The following DDAH1 variants were observed in gnomAD, a reference collection of about 807,000 sequenced individuals.
DDAH1 encodes the protein dimethylarginine dimethylaminohydrolase 1.
DDAH1 carries 19 observed loss-of-function variants against 28.8 expected under a neutral mutation model. That is an observed-to-expected ratio of 0.66 (90% CI 0.46 to 0.97). DDAH1 has a LOEUF of 0.97. Ranked by LOEUF, DDAH1 falls within the 50% of genes least tolerant of loss-of-function variation. The probability of loss-of-function intolerance (pLI) is 0.00; values close to 1 mark genes in which losing one functional copy is unlikely to be tolerated. For missense variants in DDAH1, 326 were observed against 375.9 expected, an observed-to-expected ratio of 0.87 and a Z score of 1.10; for synonymous variants, 153 against 154.4, an observed-to-expected ratio of 0.99 and a Z score of 0.07.
chr1:85,376,831 C>T (rs1016604452), intron 1 of DDAH1: 1 of 150,668 alleles, frequency 6.6e-6, no homozygotes, highest in African/African-American at 2.4e-5. Flanking sequence ...ACAAAGCCAC[C>T]GAGAGTAAGT....
At chr1:85,504,365 G>A (rs1037938690) in intron 1 of DDAH1, among the ~76,000 whole-genome samples, 3 of 152,136 alleles carry the variant, frequency 2.0e-5, no homozygotes, top group Non-Finnish European at 4.4e-5. Flanking sequence ...ATAACTTATT[G>A]AGTCAATAAA....
At chr1:85,355,937 A>G (rs1649467432) in intron 2 of DDAH1, among the ~76,000 whole-genome samples, 1 of 152,246 alleles carries the variant, frequency 6.6e-6, no homozygotes, top group South Asian at 2.1e-4. Context: ...CAAGACAAAC[A>G]AAACTAAAAC....
chr1:85,322,154 C>T (rs960566207), intron 5 of DDAH1, among the ~76,000 whole-genome samples: 3 of 152,116 alleles, frequency 2.0e-5, no homozygotes, highest in African/African-American at 7.2e-5. Context: ...GGTTCCTGGG[C>T]TCAAGTGATC....
upstream of DDAH1, among the ~76,000 whole-genome samples, chr1:85,466,829 A>ATTTTTTTTTTTTTTT (rs1158919618): frequency 8.6e-5 from 4 of 46,556 alleles, no homozygotes; most frequent in Non-Finnish European, 1.3e-4. Context: ...TTCATTATTT[A>ATTTTTTTTTTTTTTT]TTCTTTTTTT....
chr1:85,340,688 C>T (rs1044242404), intron 4 of DDAH1, among the ~76,000 whole-genome samples: 6 of 152,078 alleles, frequency 3.9e-5, no homozygotes, highest in Admixed American at 3.9e-4. Context: ...ATCCTTATCC[C>T]TGTTAAATCA....
chr1:85,356,601 T>C lies in DDAH1; in HGVS notation c.403+2147A>G, dbSNP rs2300636. Among the ~76,000 whole-genome samples the C allele has an allele frequency of 1.8e-3, 277 of 152,162 alleles. 7 individuals carry two copies. The East Asian group carries it at 0.033, about 18-fold the overall frequency. ...ATGAAGAAAAGTGACAAGTAGAAAA[T>C]AGAAGGCAGGAACACACATTAGGTG... On this transcript the variant is annotated intron_variant, in intron 2 of 5. Coordinates refer to ENST00000284031, the MANE Select transcript of DDAH1 (RefSeq NM_012137.4).
intron 1 of DDAH1, among the ~76,000 whole-genome samples, chr1:85,375,992 T>C (rs1050046385): frequency 6.6e-6 from 1 of 152,186 alleles, no homozygotes; most frequent in African/African-American, 2.4e-5. Flanking sequence ...CCTGTACTAA[T>C]GGTGGTGGAC....
chr1:85,338,260 C>T (rs1259059380), intron 4 of DDAH1, among the ~76,000 whole-genome samples: 1 of 152,044 alleles, frequency 6.6e-6, no homozygotes, highest in Non-Finnish European at 1.5e-5. Flanking sequence ...CAGAGAAAGG[C>T]ACTATATGGA....
At chr1:85,469,032 A>C (rs560140582), upstream of DDAH1, among the ~76,000 whole-genome samples, 35 of 152,356 alleles carry the variant, frequency 2.3e-4, no homozygotes, top group African/African-American at 8.4e-4. Flanking sequence ...AGAACAAGAA[A>C]GAACATACAG....
intron 1 of DDAH1, among the ~76,000 whole-genome samples, chr1:85,571,787 C>CTTTTTTTGTT (rs1659461187): frequency 1.2e-5 from 1 of 85,382 alleles, no homozygotes; most frequent in African/African-American, 4.8e-5. Context: ...TGTTTATAAG[C>CTTTTTTTGTT]TTTTTTTTTT....
intron 1 of DDAH1, among the ~76,000 whole-genome samples, chr1:85,442,259 A>G (rs1654232313): frequency 2.0e-5 from 3 of 152,118 alleles, no homozygotes; most frequent in Admixed American, 1.3e-4. Flanking sequence ...ATTCCCACCT[A>G]TGAGTGAGAA....
intron 1 of DDAH1, among the ~76,000 whole-genome samples, chr1:85,539,938 A>T (rs1658420736): frequency 6.6e-6 from 1 of 151,648 alleles, no homozygotes; most frequent in Admixed American, 6.6e-5. Flanking sequence ...AATTTTACTT[A>T]TTTCTCCAAA....
At chr1:85,451,552 T>C (rs1347485098) in intron 1 of DDAH1, among the ~76,000 whole-genome samples, 1 of 152,110 alleles carries the variant, frequency 6.6e-6, no homozygotes, top group Non-Finnish European at 1.5e-5. Context: ...ACAATTTGAA[T>C]TTATAGCTGT....
chr1:85,464,656 T>A lies in DDAH1; in HGVS notation c.303+87A>T, dbSNP rs1292409024. On this transcript the variant is annotated intron_variant, in intron 1 of 5. Transcript: ENST00000284031. The surrounding 1 kb of genome is among the most constrained non-coding windows in gnomAD (Gnocchi z 4.4). ...TGTGAACTACTAGCCCGAGGGCCAA[T>A]GGCGCGACTCCCCAGGCAACACGGC... 4 of 1,465,148 alleles carry A rather than the reference T, an allele frequency of 2.7e-6. No homozygotes were observed. In the African/African-American group the frequency reaches 4.3e-5, roughly 16 times the overall value. 90.8% of individuals were successfully genotyped at this position (1,465,148 alleles called of 1,614,324 possible). A position where few individuals can be genotyped will look rare whatever the true frequency, so the allele number is the denominator to read the frequency against.
Position 85,428,081 on chromosome 1 carries a change from C to A in DDAH1, c.303+36662G>T, listed in dbSNP as rs775332521. ...CAGCTAACTGCCATGAAGTGGTCTA[C>A]CTAAGTAAGAACCCAAGTAGTTTGT... On this transcript the variant is annotated intron_variant, in intron 1 of 5. Transcript: ENST00000284031. Among the ~76,000 whole-genome samples the A allele has an allele frequency of 5.5e-4, 83 of 152,182 alleles. 1 individual carries two copies. Among genetic ancestry groups the A allele is most frequent in the Non-Finnish European group, 1.0e-3 (71 of 68,038 alleles).
chr1:85,545,533 A>C (rs974065330), intron 1 of DDAH1, among the ~76,000 whole-genome samples: 3 of 152,174 alleles, frequency 2.0e-5, no homozygotes, highest in African/African-American at 7.2e-5. Context: ...TGCTTTCTCT[A>C]GCTGTGAATG....
chr1:85,501,736 C>T (rs1019574288), intron 1 of DDAH1, among the ~76,000 whole-genome samples: 3 of 152,192 alleles, frequency 2.0e-5, no homozygotes, highest in African/African-American at 4.8e-5. Flanking sequence ...AAGTTCAACA[C>T]TGGGTGAATT....
At chr1:85,470,165 A>T (rs185755985) in intron 2 of DDAH1, among the ~76,000 whole-genome samples, 3 of 152,214 alleles carry the variant, frequency 2.0e-5, no homozygotes, top group Non-Finnish European at 4.4e-5. Flanking sequence ...CACACTGCTG[A>T]TAAAGACATA....
chr1:85,393,571 T>C (rs1651666218), intron 1 of DDAH1, among the ~76,000 whole-genome samples: 1 of 152,240 alleles, frequency 6.6e-6, no homozygotes, highest in Non-Finnish European at 1.5e-5. Context: ...AAAATCTCCA[T>C]TTCTAAGGGC....
Sources: allele counts gnomAD v4.1 joint callset (sites outside exome capture counted in the v4.1 genomes callset), GRCh38; gene constraint gnomAD v4.1.1; non-coding constraint Gnocchi (gnomAD v3.1); transcripts MANE v1.5; gene names NCBI Gene and HGNC (gene_info 2026-07-23, HGNC 2026-07-21).